The following PLCB4 variants were observed in gnomAD, a reference collection of about 807,000 sequenced individuals.
PLCB4 encodes the protein 1-phosphatidylinositol 4,5-bisphosphate phosphodiesterase beta-4.
In PLCB4, 77 loss-of-function variants were observed where a neutral mutation model predicts 178.8. The observed-to-expected ratio is 0.43, with a 90% CI of 0.36 to 0.52. The LOEUF (loss-of-function observed/expected upper bound fraction) is 0.52. Ranked by LOEUF, PLCB4 falls within the 20% of genes least tolerant of loss-of-function variation. The pLI, the probability that PLCB4 is intolerant of heterozygous loss-of-function variation, is 0.00. For synonymous variants in PLCB4, 496 were observed against 490.8 expected (o/e 1.01, Z -0.14); for missense variants, 1,024 against 1,453.4 (o/e 0.70, Z 4.80).
intron 2 of PLCB4, among the ~76,000 whole-genome samples, chr20:9,186,657 G>A (rs979456039): frequency 4.6e-5 from 7 of 152,144 alleles, no homozygotes; most frequent in Admixed American, 3.9e-4. Context: ...TGTGCCAAAC[G>A]AGCTGCTGCC....
intron 2 of PLCB4, among the ~76,000 whole-genome samples, chr20:9,126,058 G>A (rs1004634212): frequency 5.3e-5 from 8 of 152,012 alleles, no homozygotes; most frequent in African/African-American, 1.9e-4. Context: ...AGACAGTAAT[G>A]GGATTGTACT....
intron 7 of PLCB4, among the ~76,000 whole-genome samples, chr20:9,347,774 G>GA (rs1368848206): frequency 6.6e-6 from 1 of 152,094 alleles, no homozygotes; most frequent in African/African-American, 2.4e-5. Context: ...TCAAGAGATC[G>GA]AGACCATCCT....
At chr20:9,223,946 G>A (rs945552467) in intron 3 of PLCB4, among the ~76,000 whole-genome samples, 1 of 152,198 alleles carries the variant, frequency 6.6e-6, no homozygotes, top group African/African-American at 2.4e-5. Context: ...CTGGATGTGA[G>A]AGATTGCATT....
At chr20:9,275,679 T>A (rs2094444534) in intron 3 of PLCB4, among the ~76,000 whole-genome samples, 1 of 151,996 alleles carries the variant, frequency 6.6e-6, no homozygotes, top group African/African-American at 2.4e-5. Flanking sequence ...CCCAACTAAT[T>A]CTGTTCTACT....
intron 2 of PLCB4, among the ~76,000 whole-genome samples, chr20:9,137,141 C>A (rs561787179): frequency 6.6e-6 from 1 of 152,084 alleles, no homozygotes; most frequent in Non-Finnish European, 1.5e-5. Flanking sequence ...CTCCTTCAGG[C>A]CTAGGACACG....
chr20:9,119,797 A>C (rs529898226), intron 2 of PLCB4, among the ~76,000 whole-genome samples: 2 of 152,306 alleles, frequency 1.3e-5, no homozygotes, highest in African/African-American at 4.8e-5. Flanking sequence ...CTCATCTTGT[A>C]ATGTTTCCTA....
chr20:9,240,091 A>C (rs1369275999), intron 3 of PLCB4, among the ~76,000 whole-genome samples: 1 of 152,174 alleles, frequency 6.6e-6, no homozygotes, highest in Non-Finnish European at 1.5e-5. Context: ...TCACAGACAC[A>C]CTGAGGTACA....
At chr20:9,366,580 T>C (rs2148264357) in intron 9 of PLCB4, among the ~76,000 whole-genome samples, 1 of 152,338 alleles carries the variant, frequency 6.6e-6, no homozygotes, top group South Asian at 2.1e-4. Flanking sequence ...ACACATGGTC[T>C]CTGGGTACAG....
At chr20:9,151,143 A>G (rs1191124344) in intron 2 of PLCB4, among the ~76,000 whole-genome samples, 1 of 152,244 alleles carries the variant, frequency 6.6e-6, no homozygotes, top group East Asian at 1.9e-4. Flanking sequence ...TAAAAATAGT[A>G]TAAATAAAAA....
chr20:9,268,519 G>C (rs907123668), intron 3 of PLCB4, among the ~76,000 whole-genome samples: 5 of 152,246 alleles, frequency 3.3e-5, no homozygotes, highest in African/African-American at 1.2e-4. Context: ...TCCATCTCCA[G>C]CTGTGGTAGG....
At chr20:9,472,205 G>A (rs370736037) in intron 36 of PLCB4, among the ~76,000 whole-genome samples, 3 of 152,152 alleles carry the variant, frequency 2.0e-5, no homozygotes, top group East Asian at 1.9e-4. Flanking sequence ...CACAGGAAGC[G>A]ATGCCACTGT....
intron 3 of PLCB4, among the ~76,000 whole-genome samples, chr20:9,276,191 G>A (rs377030870): frequency 1.2e-4 from 19 of 152,188 alleles, no homozygotes; most frequent in African/African-American, 4.3e-4. Context: ...ACTGCCACAT[G>A]TTTTCGTTTA....
At chr20:9,089,774 A>G (rs2090594199) in intron 1 of PLCB4, among the ~76,000 whole-genome samples, 1 of 152,168 alleles carries the variant, frequency 6.6e-6, no homozygotes, top group Non-Finnish European at 1.5e-5. Context: ...AGAAAGAAAT[A>G]AAGTTAGCTG....
At chr20:9,362,386 C>A (rs1293599308) in intron 7 of PLCB4, among the ~76,000 whole-genome samples, 1 of 152,148 alleles carries the variant, frequency 6.6e-6, no homozygotes, top group Non-Finnish European at 1.5e-5. Flanking sequence ...TCTGATCACC[C>A]TGGCAATGAA....
At chr20:9,305,128 C>A (rs552436921) in intron 3 of PLCB4, among the ~76,000 whole-genome samples, 2 of 149,482 alleles carry the variant, frequency 1.3e-5, no homozygotes, top group South Asian at 4.2e-4. Context: ...CCGAAAACAT[C>A]TTTTATAAGT....
At chr20:9,461,475 A>G (rs1430525065) in intron 35 of PLCB4, among the ~76,000 whole-genome samples, 1 of 152,212 alleles carries the variant, frequency 6.6e-6, no homozygotes, top group East Asian at 1.9e-4. Flanking sequence ...CAGGAAGCAC[A>G]AGGGGTCAGG....
chr20:9,432,806 G>C (rs2041513384), intron 28 of PLCB4, among the ~76,000 whole-genome samples: 4 of 152,212 alleles, frequency 2.6e-5, no homozygotes, highest in Non-Finnish European at 5.9e-5. Flanking sequence ...CCACAGGGCA[G>C]AAGGATGCTG....
intron 3 of PLCB4, among the ~76,000 whole-genome samples, chr20:9,284,774 G>A (rs1277769036): frequency 6.6e-6 from 1 of 151,818 alleles, no homozygotes; most frequent in Non-Finnish European, 1.5e-5. Context: ...GGTAATTCTT[G>A]CCATTTTACC....
intron 2 of PLCB4, among the ~76,000 whole-genome samples, chr20:9,147,071 G>A (rs1305992198): frequency 1.3e-5 from 2 of 152,152 alleles, no homozygotes. Flanking sequence ...AAAAGACGTG[G>A]CCTGATTGGC....
Sources: gnomAD v4.1 joint callset for allele counts (sites outside exome capture counted in the v4.1 genomes callset) on GRCh38, gnomAD v4.1.1 for gene constraint, MANE v1.5 for transcripts, NCBI Gene and HGNC (gene_info 2026-07-23, HGNC 2026-07-21) for gene names.